CSPG4: variants seen among roughly 807,000 people sequenced by gnomAD.
The protein encoded by CSPG4 is chondroitin sulfate proteoglycan 4 (melanoma-associated).
A neutral mutation model predicts 139.3 loss-of-function variants in CSPG4; 74 were observed. The observed-to-expected ratio is 0.53, with a 90% CI of 0.44 to 0.64. The LOEUF (loss-of-function observed/expected upper bound fraction) is 0.64. CSPG4 is among the 30% of genes least tolerant of loss of function. The probability of loss-of-function intolerance (pLI) is 0.00; values close to 1 mark genes in which losing one functional copy is unlikely to be tolerated. For synonymous variants in CSPG4, 1,234 were observed against 1,394.2 expected, an observed-to-expected ratio of 0.89 and a Z score of 2.56; for missense variants, 2,565 against 3,148.3, an observed-to-expected ratio of 0.81 and a Z score of 4.43.
intron 1 of CSPG4, among the ~76,000 whole-genome samples, chr15:75,704,997 T>C (rs1225691849): frequency 6.6e-6 from 1 of 152,282 alleles, no homozygotes; most frequent in East Asian, 1.9e-4. Flanking sequence ...AGGGTCCCCG[T>C]CCCATAAAAG....
Position 75,687,616 on chromosome 15 carries a change from A to T in CSPG4, c.3449T>A (p.Leu1150His), listed in dbSNP as rs1385252411. ...GATGTCGAGGTTGGTGTCCAGGTGG[A>T]GCACGGCCGTGTCGATGGTGCCCTG... The part of the protein sequence containing the change: ...GGQGTIDTAV[L>H]HLDTNLDIRS... The change falls in exon 3 of 10, where the codon CTC (leucine) becomes CAC (histidine). Residue 1150 changes from leucine (L) to histidine (H), a missense_variant. By Grantham distance (99) the Leu-to-His change is moderately conservative. Transcript: ENST00000308508. The surrounding 1 kb of genome is among the most constrained non-coding windows in gnomAD (Gnocchi z 5.4). 1 of 1,611,932 alleles carries T rather than the reference A, an allele frequency of 6.2e-7. No individual in the cohort carries two copies. The highest frequency in any genetic ancestry group is 8.5e-7 in the Non-Finnish European group (1 of 1,179,408).
intron 2 of CSPG4, 93 bp from the exon 3 acceptor site, chr15:75,690,905 TG>T (rs1485503753): frequency 2.2e-6 from 3 of 1,381,748 alleles, no homozygotes; most frequent in East Asian, 2.4e-5. Flanking sequence ...ATTGCAGTGG[TG>T]GCTCATGCCT....
At position 75,688,160 on chromosome 15, in the gene CSPG4, G is replaced by T. The variant is rs776497219; in HGVS notation, c.2905C>A (p.Arg969=). ...SFTNEDLLRG[R]LVYQHDDSET... ...GAGTCATCATGCTGGTAGACCAGCC[G>T]GCCACGCAACAGGTCTTCATTGGTG... The change falls in exon 3 of 10, where the codon CGG becomes AGG. Residue 969 remains arginine (R), a synonymous_variant. Transcript: ENST00000308508. 1 of 1,612,788 alleles carries T rather than the reference G, an allele frequency of 6.2e-7. No individual in the cohort carries two copies. The highest frequency in any genetic ancestry group is 8.5e-7 in the Non-Finnish European group (1 of 1,179,836).
At position 75,678,585 on chromosome 15, in the gene CSPG4, C is replaced by G. The variant is rs368370366; in HGVS notation, c.4951-699G>C. 162 of 453,184 alleles carry G rather than the reference C, an allele frequency of 3.6e-4. 4 individuals are homozygous for G. The highest frequency in any genetic ancestry group is 2.2e-3 in the South Asian group (143 of 64,370). 28.1% of individuals were successfully genotyped at this position (453,184 alleles called of 1,614,324 possible). A position where few individuals can be genotyped will look rare whatever the true frequency, so the allele number is the denominator to read the frequency against. ...CCCAGGCTGGTCTTGAACTTCTGGGCTCAAGCGGTCCACTTGCCTCGGCCT... is the reference window on the plus strand; with the variant it reads ...CCCAGGCTGGTCTTGAACTTCTGGGGTCAAGCGGTCCACTTGCCTCGGCCT... On this transcript the variant is annotated intron_variant, in intron 8 of 9. Transcript: ENST00000308508.
intron 1 of CSPG4, among the ~76,000 whole-genome samples, chr15:75,709,297 A>G (rs549824669): frequency 3.9e-4 from 60 of 152,298 alleles, no homozygotes; most frequent in African/African-American, 1.3e-3. Context: ...TTGAACTGAC[A>G]TATGCTGGGG....
chr15:75,676,309 A>C lies in CSPG4; in HGVS notation c.6210T>G (p.Ala2070=), dbSNP rs1309288328. The C allele has an allele frequency of 1.9e-6, 3 of 1,607,636 alleles. No individual in the cohort carries two copies. The highest frequency in any genetic ancestry group is 2.7e-5 in the African/African-American group (2 of 75,010). ...TLRLDPTVLD[A]GELANRTGSV... is the part of the protein sequence containing the mutation. ...TGCCTGTGCGGTTGGCCAGCTCGCC[A>C]GCATCTAGGACGGTGGGGTCCAGGC... The change falls in exon 10 of 10, where the codon GCT becomes GCG. Residue 2070 remains alanine (A), a synonymous_variant. Transcript: ENST00000308508.
At chr15:75,692,642 G>A (rs1298305240) in intron 2 of CSPG4, among the ~76,000 whole-genome samples, 1 of 152,254 alleles carries the variant, frequency 6.6e-6, no homozygotes, top group Admixed American at 6.5e-5. Context: ...CAGGGGTCAT[G>A]GGGGCTCAGG....
At chr15:75,686,599 T>C (rs1894062441) in intron 3 of CSPG4, among the ~76,000 whole-genome samples, 1 of 152,224 alleles carries the variant, frequency 6.6e-6, no homozygotes, top group Admixed American at 6.5e-5. Flanking sequence ...GCCTGTGCTC[T>C]TCAGAGCCCG....
chr15:75,682,368 G>GC lies in CSPG4; in HGVS notation c.4874dup (p.Gln1627ProfsTer33). On this transcript the variant is annotated frameshift_variant, in exon 8 of 10. Coordinates refer to ENST00000308508, the MANE Select transcript of CSPG4 (RefSeq NM_001897.5). LOFTEE classifies it high-confidence loss of function. Reference sequence around the variant, plus strand: ...CGTGGAACAGCCGGCCTAGCTGGGGGCCCCGCACCACACGGTAGAGCAGGA... The same window carrying GC: ...CGTGGAACAGCCGGCCTAGCTGGGGGCCCCCGCACCACACGGTAGAGCAGGA... The GC allele has an allele frequency of 6.3e-7, 1 of 1,596,860 alleles. No individual in the cohort carries two copies. The highest frequency in any genetic ancestry group is 8.5e-7 in the Non-Finnish European group (1 of 1,179,904).
chr15:75,677,268 C>T lies in CSPG4; in HGVS notation c.5251G>A (p.Val1751Ile). The change falls in exon 10 of 10, where the codon GTC becomes ATC. Residue 1751 changes from valine (V) to isoleucine (I), a missense_variant. Transcript: ENST00000308508. The part of the protein sequence containing the change: ...QRSEHDVLFQ[V>I]TQFPSRGQLL... ...TGGCCCCGGCTGGGGAACTGTGTGA[C>T]CTGGAAGAGCACATCATGCTCTGAG... is the stretch of plus-strand genomic sequence containing the variant. 1 of 1,496,186 alleles carries T rather than the reference C, an allele frequency of 6.7e-7. No homozygotes were observed. The highest frequency in any genetic ancestry group is 8.9e-7 in the Non-Finnish European group (1 of 1,118,094). The allele number at this position is 1,496,186 out of a possible 1,614,324, so 92.7% of individuals were successfully genotyped here.
At chr15:75,695,984 T>C (rs1052790825) in intron 1 of CSPG4, among the ~76,000 whole-genome samples, 1 of 151,928 alleles carries the variant, frequency 6.6e-6, no homozygotes, top group African/African-American at 2.4e-5. Context: ...GGCGGGGGGA[T>C]GGAGGAGGTT....
Position 75,675,727 on chromosome 15 carries a change from G to C in CSPG4, c.6792C>G (p.Pro2264=). The change falls in exon 10 of 10, where the codon CCC becomes CCG. Residue 2264 remains proline (P), a synonymous_variant. Coordinates refer to ENST00000308508, the MANE Select transcript of CSPG4 (RefSeq NM_001897.5). ...CGGTGTCACCAGCCAGGCCGTTGCG[G>C]GGCTTGGCAGTCAGGACCTGGACGT... ...KHDVQVLTAK[P]RNGLAGDTET... 6.3e-7 allele frequency: 1 copy of C among 1,597,462 alleles called. No homozygotes were observed. The highest frequency in any genetic ancestry group is 8.6e-7 in the Non-Finnish European group (1 of 1,169,164).
Position 75,687,623 on chromosome 15 carries a change from C to T in CSPG4, c.3442G>A (p.Ala1148Thr), listed in dbSNP as rs758731453. 1.2e-6 allele frequency: 2 copies of T among 1,612,044 alleles called. No individual in the cohort carries two copies. The highest frequency in any genetic ancestry group is 1.7e-6 in the Non-Finnish European group (2 of 1,179,490). ...PQGGQGTIDT[A>T]VLHLDTNLDI... ...AGGTTGGTGTCCAGGTGGAGCACGG[C>T]CGTGTCGATGGTGCCCTGGCCTCCT... Residue 1148 changes from alanine (A) to threonine (T), a missense_variant, in exon 3 of 10, where the codon GCC becomes ACC. Ala to Thr is a moderately conservative substitution (Grantham distance 58). Transcript: ENST00000308508. This position sits in a 1 kb window ranked among gnomAD's most constrained non-coding sequence, Gnocchi z 5.4.
chr15:75,677,448 TG>T, intron 9 of CSPG4, 64 bp from the exon 10 acceptor site: 2 of 1,386,384 alleles, frequency 1.4e-6, no homozygotes, highest in Non-Finnish European at 9.4e-7. Context: ...GACCCTCAGC[TG>T]GGGGTGCCTC....
At position 75,675,967 on chromosome 15, in the gene CSPG4, C is replaced by T. The variant is rs774383688; in HGVS notation, c.6552G>A (p.Thr2184=). 23 of 1,581,822 alleles carry T rather than the reference C, an allele frequency of 1.5e-5. No homozygotes were observed. The highest frequency in any genetic ancestry group is 1.7e-4 in the Middle Eastern group (1 of 5,976). ...ALLSVPEAAR[T]EAGKPESSTP... Reference sequence around the variant, plus strand: ...TGCTGCTCTCTGGCTTCCCTGCTTCCGTCCGGGCGGCCTCGGGGACACTGA... The same window carrying T: ...TGCTGCTCTCTGGCTTCCCTGCTTCTGTCCGGGCGGCCTCGGGGACACTGA... The change falls in exon 10 of 10, where the codon ACG becomes ACA. Residue 2184 remains threonine (T), a synonymous_variant. Transcript: ENST00000308508.
In CSPG4 at chr15:75,677,781, C is replaced by A. The variant is rs760817564; in HGVS notation, c.5056G>T (p.Val1686Leu). Residue 1686 changes from valine to leucine, a missense_variant, in exon 9 of 10, where the codon GTG (valine) becomes TTG (leucine). Around this residue, in one of 5 missense-constraint regions of CSPG4, gnomAD observed 2,316 missense variants for 2,818.2 expected, o/e 0.82. Coordinates refer to ENST00000308508, the MANE Select transcript of CSPG4 (RefSeq NM_001897.5). ...LQLSSPPARD[V>L]AATLAVAVSF... ...ACAGCCACAGCAAGGGTGGCGGCCA[C>A]GTCCCGGGCAGGCGGCGAGGACAGC... The A allele has an allele frequency of 2.5e-6, 4 of 1,611,128 alleles. No homozygotes were observed. The highest frequency in any genetic ancestry group is 1.1e-5 in the South Asian group (1 of 90,788).
chr15:75,687,486 C>T lies in CSPG4; in HGVS notation c.3579G>A (p.Leu1193=). ...TGTGGCTATAGAGAACGGCCCCATC[C>T]AGCAGGTCCTGCTGGGAGAAGGCTG... is the stretch of plus-strand genomic sequence containing the variant. ...PATAFSQQDL[L]DGAVLYSHNG... is the part of the protein sequence containing the mutation. The change falls in exon 3 of 10, where the codon CTG becomes CTA. Residue 1193 remains leucine, a synonymous_variant. Transcript: ENST00000308508. This position sits in a 1 kb window ranked among gnomAD's most constrained non-coding sequence, Gnocchi z 5.4. 3 of 1,612,690 alleles carry T rather than the reference C, an allele frequency of 1.9e-6. No homozygotes were observed. The highest frequency in any genetic ancestry group is 2.5e-6 in the Non-Finnish European group (3 of 1,179,804).
chr15:75,684,651 G>T, intron 5 of CSPG4, 85 bp downstream of exon 5: 3 of 1,308,988 alleles, frequency 2.3e-6, no homozygotes, highest in Non-Finnish European at 3.2e-6. Context: ...GAGGATCAGA[G>T]CTGGGGGAGC....
intron 1 of CSPG4, among the ~76,000 whole-genome samples, chr15:75,709,029 C>T (rs1195766073): frequency 6.6e-6 from 1 of 152,130 alleles, no homozygotes; most frequent in Admixed American, 6.5e-5. Context: ...TTAGTGCACA[C>T]TATGGGGTGT....
Sources: allele counts gnomAD v4.1 joint callset (sites outside exome capture counted in the v4.1 genomes callset), GRCh38; gene constraint gnomAD v4.1.1; regional missense constraint gnomAD v4.1.1; non-coding constraint Gnocchi (gnomAD v3.1); transcripts MANE v1.5; gene names NCBI Gene and HGNC (gene_info 2026-07-23, HGNC 2026-07-21).